HCN1: variants seen among roughly 807,000 people sequenced by gnomAD.
HCN1 encodes the protein potassium/sodium hyperpolarization-activated cyclic nucleotide-gated channel 1.
Under a neutral mutation model 78.9 loss-of-function variants are expected in HCN1, and 13 were observed. That is an observed-to-expected ratio of 0.16 (90% CI 0.11 to 0.26). The LOEUF (loss-of-function observed/expected upper bound fraction) is 0.26, where lower values mean the gene tolerates loss of function less well. HCN1 is among the 10% of genes least tolerant of loss of function. The probability of loss-of-function intolerance (pLI) is 1.00; values close to 1 mark genes in which losing one functional copy is unlikely to be tolerated. For synonymous variants in HCN1, 552 were observed against 455.5 expected (o/e 1.21, Z -2.70); for missense variants, 810 against 1,154.3 (o/e 0.70, Z 4.32).
At chr5:45,530,162 GC>G (rs1742808546) in intron 2 of HCN1, among the ~76,000 whole-genome samples, 2 of 152,008 alleles carry the variant, frequency 1.3e-5, no homozygotes, top group South Asian at 4.1e-4. Context: ...ACCAGGTAAG[GC>G]TTTTGCTTCT....
At chr5:45,670,726 T>G (rs1192220398) in intron 1 of HCN1, among the ~76,000 whole-genome samples, 1 of 151,714 alleles carries the variant, frequency 6.6e-6, no homozygotes, top group Non-Finnish European at 1.5e-5. Context: ...AGTCGTATCT[T>G]TTATAGGAAA....
At chr5:45,590,120 G>A (rs1744329289) in intron 2 of HCN1, among the ~76,000 whole-genome samples, 1 of 152,106 alleles carries the variant, frequency 6.6e-6, no homozygotes, top group South Asian at 2.1e-4. Flanking sequence ...TCTCAGGGTA[G>A]TGTCTGTAGT....
intron 2 of HCN1, among the ~76,000 whole-genome samples, chr5:45,585,873 C>T (rs1199772557): frequency 2.0e-5 from 3 of 152,246 alleles, no homozygotes; most frequent in Admixed American, 1.3e-4. Flanking sequence ...GCTGCCTGAT[C>T]GTTCCTCTGG....
At chr5:45,356,274 C>G (rs1223034907) in intron 4 of HCN1, among the ~76,000 whole-genome samples, 3 of 151,832 alleles carry the variant, frequency 2.0e-5, no homozygotes, top group Admixed American at 2.0e-4. Flanking sequence ...TCTTTGGAAA[C>G]ATAAGATCAA....
chr5:45,374,310 A>ATATACATTATATATATATTG (rs1561130571), intron 4 of HCN1, among the ~76,000 whole-genome samples: 1 of 91,588 alleles, frequency 1.1e-5, no homozygotes, highest in East Asian at 4.4e-4. Context: ...TGTATACATT[A>ATATACATTATATATATATTG]TATACATTAT....
intron 2 of HCN1, among the ~76,000 whole-genome samples, chr5:45,490,753 A>C (rs539394204): frequency 2.0e-5 from 3 of 152,302 alleles, no homozygotes; most frequent in Non-Finnish European, 4.4e-5. Context: ...ATTTTTTTAA[A>C]TAAAAAACTT....
intron 6 of HCN1, among the ~76,000 whole-genome samples, chr5:45,271,294 A>G (rs1000463126): frequency 1.3e-5 from 2 of 149,876 alleles, no homozygotes; most frequent in African/African-American, 4.9e-5. Flanking sequence ...TTGCCAGTTA[A>G]TGAGGTAGAG....
chr5:45,326,111 C>A (rs916802087), intron 5 of HCN1, among the ~76,000 whole-genome samples: 19 of 151,330 alleles, frequency 1.3e-4, no homozygotes, highest in Non-Finnish European at 2.5e-4. Flanking sequence ...TATTTGAAAA[C>A]AAAAGGACCA....
intron 2 of HCN1, among the ~76,000 whole-genome samples, chr5:45,547,669 G>T (rs1743257325): frequency 6.6e-6 from 1 of 151,756 alleles, no homozygotes; most frequent in East Asian, 1.9e-4. Context: ...TCATTATTTT[G>T]TACTGCAATT....
chr5:45,312,762 C>A (rs745988732), intron 5 of HCN1, among the ~76,000 whole-genome samples: 5 of 152,330 alleles, frequency 3.3e-5, no homozygotes, highest in South Asian at 4.1e-4. Context: ...CAGAGCCTTG[C>A]TCATTGCTAG....
chr5:45,555,033 G>T (rs114096907), intron 2 of HCN1, among the ~76,000 whole-genome samples: 1 of 151,710 alleles, frequency 6.6e-6, no homozygotes, highest in Non-Finnish European at 1.5e-5. Context: ...AAATATTCTA[G>T]GAAATTATTG....
At chr5:45,518,223 A>G (rs530794609) in intron 2 of HCN1, among the ~76,000 whole-genome samples, 3 of 152,088 alleles carry the variant, frequency 2.0e-5, no homozygotes, top group Non-Finnish European at 4.4e-5. Context: ...TTGGCACATC[A>G]ATCATTTATT....
At position 45,622,732 on chromosome 5, in the gene HCN1, T is replaced by C. The variant is rs138033266; in HGVS notation, c.849+22453A>G. Among the ~76,000 whole-genome samples, 80 of 152,296 alleles carry C rather than the reference T, an allele frequency of 5.3e-4. 1 individual carries two copies. In the East Asian group the frequency reaches 0.012, roughly 22 times the overall value. ...AGCCCATCAACATGAACACCAGGAC[T>C]GAAGTTAGACTTTTCAGCTAATGGA... On this transcript the variant is annotated intron_variant, in intron 2 of 7. Coordinates refer to ENST00000303230, the MANE Select transcript of HCN1 (RefSeq NM_021072.4).
At chr5:45,661,327 C>T (rs1463329533) in intron 1 of HCN1, among the ~76,000 whole-genome samples, 4 of 146,432 alleles carry the variant, frequency 2.7e-5, no homozygotes, top group African/African-American at 1.0e-4. Context: ...AAATTTATAG[C>T]ACTAAATGCC....
chr5:45,266,839 G>C (rs1382098760), intron 7 of HCN1, among the ~76,000 whole-genome samples: 1 of 151,946 alleles, frequency 6.6e-6, no homozygotes, highest in Non-Finnish European at 1.5e-5. Context: ...CTTCTGAGTG[G>C]CTGGGATTAC....
At chr5:45,385,557 A>C (rs982473437) in intron 4 of HCN1, among the ~76,000 whole-genome samples, 2 of 152,160 alleles carry the variant, frequency 1.3e-5, no homozygotes, top group African/African-American at 4.8e-5. Context: ...AACATATTTC[A>C]ATATGATCAA....
intron 2 of HCN1, among the ~76,000 whole-genome samples, chr5:45,504,862 A>AT (rs1368152804): frequency 6.6e-6 from 1 of 152,068 alleles, no homozygotes; most frequent in Non-Finnish European, 1.5e-5. Context: ...GATGATAAGC[A>AT]TTTTTTCATG....
intron 2 of HCN1, among the ~76,000 whole-genome samples, chr5:45,483,253 A>G (rs1382048140): frequency 6.6e-6 from 1 of 152,162 alleles, no homozygotes; most frequent in Admixed American, 6.6e-5. Flanking sequence ...CCCTTTTTCC[A>G]TAGCTTTGCC....
At chr5:45,612,287 G>A (rs1363993658) in intron 2 of HCN1, among the ~76,000 whole-genome samples, 1 of 151,850 alleles carries the variant, frequency 6.6e-6, no homozygotes, top group Non-Finnish European at 1.5e-5. Flanking sequence ...AACTTTAATG[G>A]CAATTATTAT....
Sources: gnomAD v4.1 joint callset for allele counts (sites outside exome capture counted in the v4.1 genomes callset) on GRCh38, gnomAD v4.1.1 for gene constraint, MANE v1.5 for transcripts, NCBI Gene and HGNC (gene_info 2026-07-23, HGNC 2026-07-21) for gene names.